PDZD2: variants seen among roughly 807,000 people sequenced by gnomAD.
The protein encoded by PDZD2 is PDZ domain containing 2.
Under a neutral mutation model 220.7 loss-of-function variants are expected in PDZD2, and 90 were observed. That is an observed-to-expected ratio of 0.41 (90% CI 0.34 to 0.49). The LOEUF (loss-of-function observed/expected upper bound fraction) is 0.49. Among genes scored for constraint, PDZD2 ranks in the 20% least tolerant of loss-of-function variants. The pLI is 0.28. For missense variants in PDZD2, 3,174 were observed against 3,608.5 expected (o/e 0.88, Z 3.08); for synonymous variants, 1,375 against 1,450.5 (o/e 0.95, Z 1.18).
intron 1 of PDZD2, among the ~76,000 whole-genome samples, chr5:31,793,582 G>A (rs141411729): frequency 0.071 from 10,876 of 152,164 alleles, 413 homozygotes; most frequent in Non-Finnish European, 0.088. Flanking sequence ...TGAGGCGGGC[G>A]AATCACTTGA....
chr5:31,692,984 CTTGT>C (rs1747205067), intron 1 of PDZD2: 1 of 152,446 alleles, frequency 6.6e-6, no homozygotes, highest in Non-Finnish European at 1.5e-5. Flanking sequence ...GGTTAAGCGG[CTTGT>C]TTGTTTTCTA....
At chr5:31,826,482 G>A (rs34719689) in intron 2 of PDZD2, among the ~76,000 whole-genome samples, 26,793 of 151,916 alleles carry the variant, frequency 0.18, 2,491 homozygotes, top group Middle Eastern at 0.24. Context: ...AGACCAGCCT[G>A]ACCAACATGG....
At chr5:32,017,989 G>T (rs909011446) in intron 6 of PDZD2, among the ~76,000 whole-genome samples, 1 of 152,174 alleles carries the variant, frequency 6.6e-6, no homozygotes, top group African/African-American at 2.4e-5. Flanking sequence ...AGGGAAGACC[G>T]CAGGGCTCCA....
intron 2 of PDZD2, among the ~76,000 whole-genome samples, chr5:31,943,871 T>G (rs1746417109): frequency 6.6e-6 from 1 of 152,212 alleles, no homozygotes; most frequent in Admixed American, 6.5e-5. Flanking sequence ...GAACTGTAGC[T>G]CAAATTTGGT....
At chr5:31,654,146 A>G (rs916903290) in intron 1 of PDZD2, among the ~76,000 whole-genome samples, 1 of 152,182 alleles carries the variant, frequency 6.6e-6, no homozygotes, top group Admixed American at 6.5e-5. Flanking sequence ...CTCCACGCCA[A>G]TGCACATTAG....
chr5:31,887,674 C>T (rs952677053), intron 2 of PDZD2, among the ~76,000 whole-genome samples: 2 of 152,038 alleles, frequency 1.3e-5, no homozygotes, highest in Non-Finnish European at 2.9e-5. Context: ...AGGAATCTGA[C>T]AAAATTTCGC....
In PDZD2 at chr5:32,037,255, G is replaced by C. The variant is rs1755630229; in HGVS notation, c.1432G>C (p.Asp478His). The C allele has an allele frequency of 6.2e-7, 1 of 1,613,382 alleles. No homozygotes were observed. The highest frequency in any genetic ancestry group is 8.5e-7 in the Non-Finnish European group (1 of 1,179,412). Residue 478 changes from aspartate (D) to histidine (H), a missense_variant, in exon 7 of 25, where the codon GAT (aspartate) becomes CAT (histidine). Transcript: ENST00000438447. ...RAMPGTDEPQ[D>H]VCGAEESKGN... ...GATGCCTGGGACAGATGAACCCCAAGATGTGTGCGGTGCTGAGGAATCCAA... is the reference window on the plus strand; with the variant it reads ...GATGCCTGGGACAGATGAACCCCAACATGTGTGCGGTGCTGAGGAATCCAA...
intron 2 of PDZD2, among the ~76,000 whole-genome samples, chr5:31,961,714 G>A (rs1388522275): frequency 2.0e-5 from 3 of 152,070 alleles, no homozygotes; most frequent in South Asian, 2.1e-4. Flanking sequence ...GCGCAATCTC[G>A]GCTCACTGCA....
chr5:31,905,534 C>T (rs943323556), intron 2 of PDZD2, among the ~76,000 whole-genome samples: 3 of 152,240 alleles, frequency 2.0e-5, no homozygotes, highest in African/African-American at 7.2e-5. Context: ...CAGTTTACCA[C>T]TGGAAGATGT....
intron 7 of PDZD2, among the ~76,000 whole-genome samples, chr5:32,039,180 G>A (rs189082238): frequency 9.9e-5 from 15 of 151,962 alleles, no homozygotes; most frequent in African/African-American, 2.9e-4. Flanking sequence ...ATCTCGGCTC[G>A]CTGCAACCTC....
intron 1 of PDZD2, among the ~76,000 whole-genome samples, chr5:31,777,751 A>G (rs1752787648): frequency 6.7e-6 from 1 of 148,970 alleles, no homozygotes; most frequent in South Asian, 2.2e-4. Context: ...AAGGATTGTA[A>G]ATGCACCAAT....
At chr5:31,976,875 G>A (rs1246402194) in intron 2 of PDZD2, among the ~76,000 whole-genome samples, 1 of 151,304 alleles carries the variant, frequency 6.6e-6, no homozygotes, top group African/African-American at 2.4e-5. Context: ...GTGCTACCAC[G>A]CCCGGCTAAT....
intron 1 of PDZD2, among the ~76,000 whole-genome samples, chr5:31,652,480 C>G (rs774081478): frequency 1.3e-5 from 2 of 152,198 alleles, no homozygotes; most frequent in Non-Finnish European, 1.5e-5. Context: ...CAACATGACA[C>G]TCATTTCTTT....
chr5:31,945,604 C>G (rs1214111019), intron 2 of PDZD2, among the ~76,000 whole-genome samples: 1 of 152,052 alleles, frequency 6.6e-6, no homozygotes, highest in East Asian at 1.9e-4. Context: ...TTACTAGATT[C>G]CCTTGAGAAA....
chr5:31,715,785 A>G (rs1748410602), intron 1 of PDZD2, among the ~76,000 whole-genome samples: 1 of 152,226 alleles, frequency 6.6e-6, no homozygotes, highest in Non-Finnish European at 1.5e-5. Flanking sequence ...ATCTCATTTC[A>G]TCATTCTGGA....
chr5:32,025,497 C>T (rs1191570847), intron 6 of PDZD2, among the ~76,000 whole-genome samples: 4 of 148,130 alleles, frequency 2.7e-5, no homozygotes, highest in Non-Finnish European at 6.0e-5. Flanking sequence ...TGCACTCCAG[C>T]CTGGACAACA....
chr5:31,730,554 TTGTG>T lies in PDZD2; in HGVS notation c.-360-68300_-360-68297del, dbSNP rs35119904. 2.4e-3 allele frequency among the ~76,000 whole-genome samples: 336 copies of T among 140,480 alleles called. 1 individual carries two copies. The highest frequency in any genetic ancestry group is 7.5e-3 in the Middle Eastern group (2 of 268). The allele number at this position is 140,480 out of a possible 152,430, so 92.2% of individuals were successfully genotyped here. On this transcript the variant is annotated intron_variant, in intron 1 of 24. Coordinates refer to ENST00000438447, the MANE Select transcript of PDZD2 (RefSeq NM_178140.4). ...TCCAGGAAACCAAGCCACCAGGAGT[TTGTG>T]TGTGTGTGTGTGTGTGTGTGTGTGT...
chr5:32,080,578 A>G, intron 19 of PDZD2, among the ~76,000 whole-genome samples: 1 of 152,080 alleles, frequency 6.6e-6, no homozygotes, highest in East Asian at 1.9e-4. Context: ...GGTTTTTTTC[A>G]CTAAACCAAC....
intron 2 of PDZD2, chr5:31,822,883 G>T: frequency 2.5e-6 from 2 of 807,792 alleles, no homozygotes; most frequent in Non-Finnish European, 4.1e-6. Context: ...GAAGCCCAGT[G>T]TGACACCCTT....
Sources: gnomAD v4.1 joint callset for allele counts (sites outside exome capture counted in the v4.1 genomes callset) on GRCh38, gnomAD v4.1.1 for gene constraint, MANE v1.5 for transcripts, NCBI Gene and HGNC (gene_info 2026-07-23, HGNC 2026-07-21) for gene names.